Variants in BLTP1 observed in about 807,000 individuals in gnomAD.
The protein encoded by BLTP1 is bridge-like lipid transfer protein family member 1, also known as fragile site-associated protein.
chr4:122,346,125 A>C, the BLTP1 span: 5 of 397,336 alleles, frequency 1.3e-5, no homozygotes, highest in East Asian at 8.1e-4. Context: ...TGGTAGAAGA[A>C]TAGAAGAGCA....
chr4:122,232,399 C>T, the BLTP1 span, among the ~76,000 whole-genome samples: 2 of 152,088 alleles, frequency 1.3e-5, no homozygotes, highest in South Asian at 2.1e-4. Flanking sequence ...GTTTGTCCCA[C>T]ATATTGCATA....
chr4:122,336,131 A>C, the BLTP1 span: 1 of 1,381,470 alleles, frequency 7.2e-7, no homozygotes, highest in African/African-American at 1.5e-5. Flanking sequence ...ATATAATTCA[A>C]ATTTCTGTTT....
At chr4:122,163,764 C>G in the BLTP1 span, among the ~76,000 whole-genome samples, 8 of 152,188 alleles carry the variant, frequency 5.3e-5, no homozygotes, top group Admixed American at 3.9e-4. Context: ...AATTTCAGAA[C>G]TGACATTTGA....
chr4:122,359,774 A>C, the BLTP1 span: 1 of 1,530,672 alleles, frequency 6.5e-7, no homozygotes, highest in Non-Finnish European at 8.7e-7. Flanking sequence ...TACTATGAGC[A>C]AAAAGTTATG....
At chr4:122,305,634 A>G in the BLTP1 span, 1 of 963,248 alleles carries the variant, frequency 1.0e-6, no homozygotes, top group South Asian at 4.8e-5. Flanking sequence ...CATTTAGAAT[A>G]TGGACCTCAT....
At chr4:122,325,008 A>T in the BLTP1 span, among the ~76,000 whole-genome samples, 6 of 151,992 alleles carry the variant, frequency 3.9e-5, no homozygotes, top group Non-Finnish European at 8.8e-5. Context: ...ATAACGTAAG[A>T]AGTATAAATT....
At chr4:122,326,617 C>T in the BLTP1 span, among the ~76,000 whole-genome samples, 1 of 151,422 alleles carries the variant, frequency 6.6e-6, no homozygotes, top group Non-Finnish European at 1.5e-5. Context: ...GTGGGTTCTG[C>T]TAACTAGATG....
At chr4:122,200,954 C>G in the BLTP1 span, 3 of 1,583,458 alleles carry the variant, frequency 1.9e-6, no homozygotes, top group African/African-American at 1.4e-5. Context: ...TAATGCTGTT[C>G]ACACAGTGTC....
chr4:122,199,124 A>G, the BLTP1 span, among the ~76,000 whole-genome samples: 1 of 152,172 alleles, frequency 6.6e-6, no homozygotes, highest in Admixed American at 6.5e-5. Flanking sequence ...GCAAACTACA[A>G]AGGAAAGTAA....
At chr4:122,156,970 C>G in the BLTP1 span, among the ~76,000 whole-genome samples, 5 of 152,256 alleles carry the variant, frequency 3.3e-5, no homozygotes, top group South Asian at 1.0e-3. Flanking sequence ...GCAGGAGACT[C>G]TGACTTATGG....
At chr4:122,165,168 C>T in the BLTP1 span, among the ~76,000 whole-genome samples, 3 of 151,808 alleles carry the variant, frequency 2.0e-5, no homozygotes, top group Non-Finnish European at 4.4e-5. Context: ...TGTGCTGCAC[C>T]CATTAACTCA....
chr4:122,238,278 C>T, the BLTP1 span: 25 of 1,613,976 alleles, frequency 1.5e-5, no homozygotes, highest in Non-Finnish European at 2.0e-5. Flanking sequence ...GAAAGTCCTT[C>T]ATCTGTTGCT....
the BLTP1 span, chr4:122,219,262 T>C: frequency 6.5e-7 from 1 of 1,544,168 alleles, no homozygotes; most frequent in Non-Finnish European, 8.7e-7. Context: ...ATGCATAATT[T>C]ACAAATTTAG....
chr4:122,275,580 G>A, the BLTP1 span, among the ~76,000 whole-genome samples: 1 of 151,982 alleles, frequency 6.6e-6, no homozygotes, highest in Admixed American at 6.6e-5. Flanking sequence ...TTCATTATTT[G>A]TTATCTCTTA....
the BLTP1 span, chr4:122,274,252 C>A: frequency 1.3e-6 from 1 of 767,200 alleles, no homozygotes; most frequent in Non-Finnish European, 2.1e-6. Context: ...TCTTTTGCTA[C>A]TGAATATATT....
chr4:122,243,970 A>C, the BLTP1 span: 1 of 1,611,690 alleles, frequency 6.2e-7, no homozygotes, highest in Non-Finnish European at 8.5e-7. Flanking sequence ...GCCATAGTTG[A>C]AGTAAAAGGA....
the BLTP1 span, chr4:122,324,358 C>A: frequency 6.9e-7 from 1 of 1,454,786 alleles, no homozygotes. Flanking sequence ...AGAATATTTT[C>A]TTTTATTTGA....
At chr4:122,334,423 A>T in the BLTP1 span, 19 of 1,612,932 alleles carry the variant, frequency 1.2e-5, no homozygotes, top group Non-Finnish European at 1.3e-5. Context: ...ACACTGTCCA[A>T]AGAGTCCAAG....
the BLTP1 span, among the ~76,000 whole-genome samples, chr4:122,323,612 A>G: frequency 1.3e-5 from 2 of 152,014 alleles, no homozygotes; most frequent in Non-Finnish European, 2.9e-5. Context: ...CCCAGAGAAT[A>G]TAGTTTGAAT....
Sources: gnomAD v4.1 joint callset for allele counts (sites outside exome capture counted in the v4.1 genomes callset) on GRCh38, gnomAD v4.1.1 for gene constraint, MANE v1.5 for transcripts, NCBI Gene and HGNC (gene_info 2026-07-23, HGNC 2026-07-21) for gene names.